INO80D: variants seen among roughly 807,000 people sequenced by gnomAD.
INO80D encodes INO80 complex subunit D.
INO80D carries 21 observed loss-of-function variants against 87.6 expected under a neutral mutation model. The ratio of observed to expected loss-of-function variants is 0.24; its 90% CI spans 0.17 to 0.35. The LOEUF is 0.35. Ranked by LOEUF, INO80D falls within the 10% of genes least tolerant of loss-of-function variation. The pLI, the probability that INO80D is intolerant of heterozygous loss-of-function variation, is 1.00. For synonymous variants in INO80D, 440 were observed against 491.0 expected (o/e 0.90, Z 1.37); for missense variants, 982 against 1,280.7 (o/e 0.77, Z 3.56).
chr2:205,995,427 A>G lies in INO80D; in HGVS notation c.*8941T>C, dbSNP rs1396376868. 1 of 152,230 alleles carries G rather than the reference A, an allele frequency of 6.6e-6. No individual in the cohort carries two copies. The highest frequency in any genetic ancestry group is 1.5e-5 in the Non-Finnish European group (1 of 68,028). 9.4% of individuals were successfully genotyped at this position (152,230 alleles called of 1,614,324 possible). On this transcript the variant is annotated 3_prime_UTR_variant, in exon 11 of 11. Transcript: ENST00000403263. ...AAATAACTTTTGATAATGTATTTTA[A>G]ATCATTACATACAACTGCCACTGCA... is the stretch of plus-strand genomic sequence containing the variant.
chr2:206,071,210 C>A (rs2105901106), intron 1 of INO80D, among the ~76,000 whole-genome samples: 1 of 141,328 alleles, frequency 7.1e-6, no homozygotes, highest in South Asian at 2.4e-4. Context: ...CCGCCTGCCT[C>A]AGCCTCCCAA....
intron 4 of INO80D, among the ~76,000 whole-genome samples, chr2:206,049,692 G>A (rs954585336): frequency 6.6e-6 from 1 of 152,148 alleles, no homozygotes; most frequent in African/African-American, 2.4e-5. Context: ...ATAAGACTGA[G>A]TTTTTATTTA....
Position 206,004,927 on chromosome 2 carries a change from T to C in INO80D, c.2525A>G (p.His842Arg), listed in dbSNP as rs915308769. 2.5e-6 allele frequency: 4 copies of C among 1,613,964 alleles called. No homozygotes were observed. Among genetic ancestry groups the C allele is most frequent in the Admixed American group, 3.3e-5 (2 of 60,024 alleles). Residue 842 changes from histidine to arginine, a missense_variant, in exon 11 of 11, where the codon CAT becomes CGT. Coordinates refer to ENST00000403263, the MANE Select transcript of INO80D (RefSeq NM_017759.5). The surrounding 1 kb of genome is among the most constrained non-coding windows in gnomAD (Gnocchi z 4.9). The stretch of plus-strand genomic sequence containing the variant: ...CGATGTTGTGTGGGGAGAGGTGATA[T>C]GGTCACTGTAGGGAGACGGCACATG... ...SEHVPSPYSD[H>R]ITSPHTTSYS...
At chr2:206,047,289 G>T (rs1689221935) in intron 4 of INO80D, among the ~76,000 whole-genome samples, 1 of 152,170 alleles carries the variant, frequency 6.6e-6, no homozygotes, top group East Asian at 1.9e-4. Flanking sequence ...CATGATCTCG[G>T]CTCACTGCAA....
chr2:206,069,588 T>A (rs1689907427), intron 1 of INO80D, among the ~76,000 whole-genome samples: 1 of 152,148 alleles, frequency 6.6e-6, no homozygotes, highest in Non-Finnish European at 1.5e-5. Flanking sequence ...ATTCTCAACA[T>A]GTGGGGTTGG....
At chr2:206,011,002 C>T (rs543410851) in intron 8 of INO80D, among the ~76,000 whole-genome samples, 107 of 149,402 alleles carry the variant, frequency 7.2e-4, no homozygotes, top group African/African-American at 2.4e-3. Flanking sequence ...TGCTTGAACC[C>T]GGGAGGCAGA....
intron 6 of INO80D, among the ~76,000 whole-genome samples, chr2:206,026,526 A>AC (rs1431402968): frequency 2.0e-5 from 3 of 151,940 alleles, no homozygotes; most frequent in African/African-American, 7.3e-5. Flanking sequence ...AGCCTGGGTG[A>AC]CAGGGCAAGG....
chr2:206,059,040 C>T (rs1449626638), intron 3 of INO80D, among the ~76,000 whole-genome samples: 1 of 135,460 alleles, frequency 7.4e-6, no homozygotes, highest in South Asian at 2.3e-4. Context: ...ACCTGAGCAA[C>T]ATAGCAAGAC....
At position 206,004,406 on chromosome 2, in the gene INO80D, T is replaced by C. The variant is rs758378697; in HGVS notation, c.3046A>G (p.Thr1016Ala). ...GGAAAGGGAGAAGATGCATTATTGG[T>C]ACTTGTAGCTGTGGCACCTGTTACT... ...FTVTGATATS[T>A]NNASSPFPSP... Residue 1016 changes from threonine to alanine, a missense_variant, in exon 11 of 11, where the codon ACC (threonine) becomes GCC (alanine). Thr to Ala is a moderately conservative substitution (Grantham distance 58, BLOSUM62 0). Coordinates refer to ENST00000403263, the MANE Select transcript of INO80D (RefSeq NM_017759.5). The surrounding 1 kb of genome is among the most constrained non-coding windows in gnomAD (Gnocchi z 4.9). The C allele has an allele frequency of 6.2e-7, 1 of 1,602,068 alleles. No homozygotes were observed. Among genetic ancestry groups the C allele is most frequent in the Non-Finnish European group, 8.5e-7 (1 of 1,174,416 alleles).
chr2:206,004,108 C>T lies in INO80D; in HGVS notation c.*260G>A. 1 of 528,068 alleles carries T rather than the reference C, an allele frequency of 1.9e-6. No individual in the cohort carries two copies. Among genetic ancestry groups the T allele is most frequent in the South Asian group, 2.4e-5 (1 of 41,008 alleles). 32.7% of individuals were successfully genotyped at this position (528,068 alleles called of 1,614,324 possible). A position where few individuals can be genotyped will look rare whatever the true frequency, so the allele number is the denominator to read the frequency against. On this transcript the variant is annotated 3_prime_UTR_variant, in exon 11 of 11. Transcript: ENST00000403263. This position sits in a 1 kb window ranked among gnomAD's most constrained non-coding sequence, Gnocchi z 4.9. ...ACTTGCTGCTAAAAATCAATCCTAT[C>T]CAGTCACTGTGCTGAACCACTAAGG...
intron 6 of INO80D, among the ~76,000 whole-genome samples, chr2:206,020,300 C>T (rs1688425634): frequency 6.6e-6 from 1 of 152,116 alleles, no homozygotes. Flanking sequence ...GTACCTTGAG[C>T]TGGCAGGGTT....
rs181129725 is a variant in INO80D, at chr2:206,014,541, C to T, written c.1542+3139G>A. On this transcript the variant is annotated intron_variant, in intron 8 of 10. Coordinates refer to ENST00000403263, the MANE Select transcript of INO80D (RefSeq NM_017759.5). ...CTGCACGAGCTCTTTTTGCCTGCCA[C>T]CATCCATGTGAGATGTGACTTGTCC... is the stretch of plus-strand genomic sequence containing the variant. 3.8e-3 allele frequency among the ~76,000 whole-genome samples: 577 copies of T among 152,246 alleles called. 1 individual carries two copies. Among genetic ancestry groups the T allele is most frequent in the Middle Eastern group, 0.024 (7 of 294 alleles).
At chr2:206,027,156 GCACACA>G (rs34673264) in intron 6 of INO80D, among the ~76,000 whole-genome samples, 31 of 151,302 alleles carry the variant, frequency 2.0e-4, no homozygotes, top group Admixed American at 3.9e-4. Flanking sequence ...GCGCGCACGC[GCACACA>G]CACACACACA....
At chr2:206,039,560 G>A (rs574096218) in intron 5 of INO80D, among the ~76,000 whole-genome samples, 2 of 151,612 alleles carry the variant, frequency 1.3e-5, no homozygotes, top group East Asian at 3.9e-4. Flanking sequence ...GCCTATAATC[G>A]CAGCACTTTG....
intron 4 of INO80D, among the ~76,000 whole-genome samples, chr2:206,047,034 C>T (rs1689214475): frequency 6.6e-6 from 1 of 152,214 alleles, no homozygotes; most frequent in African/African-American, 2.4e-5. Context: ...CCACCTCGGC[C>T]TCCCAAAGTG....
intron 5 of INO80D, among the ~76,000 whole-genome samples, chr2:206,032,195 TGG>T (rs939487562): frequency 5.3e-5 from 8 of 152,070 alleles, no homozygotes; most frequent in African/African-American, 1.7e-4. Flanking sequence ...GGCCAGAATG[TGG>T]GGAAGGCCAC....
intron 1 of INO80D, among the ~76,000 whole-genome samples, chr2:206,081,687 G>T (rs1380908312): frequency 1.3e-5 from 2 of 151,082 alleles, no homozygotes; most frequent in Admixed American, 1.3e-4. Context: ...AGCCCAGGAG[G>T]TTGAGGCTGC....
intron 1 of INO80D, among the ~76,000 whole-genome samples, chr2:206,074,793 G>T (rs1207957803): frequency 6.6e-6 from 1 of 151,900 alleles, no homozygotes; most frequent in African/African-American, 2.4e-5. Flanking sequence ...TACAAAATTA[G>T]CCAGGTGTGG....
At position 206,005,403 on chromosome 2, in the gene INO80D, C is replaced by G; in HGVS notation, c.2049G>C (p.Gln683His). 6.2e-7 allele frequency: 1 copy of G among 1,614,000 alleles called. No individual in the cohort carries two copies. ...CCCCTATTCCTCTATCTGACAACTC[C>G]TGGACTGGCACACCATCTGACTGGG... ...VLAQSDGVPV[Q>H]ELSDRGIGVF... Residue 683 changes from glutamine to histidine, a missense_variant, in exon 11 of 11, where the codon CAG (glutamine) becomes CAC (histidine). Transcript: ENST00000403263.
Sources: allele counts gnomAD v4.1 joint callset (sites outside exome capture counted in the v4.1 genomes callset), GRCh38; gene constraint gnomAD v4.1.1; non-coding constraint Gnocchi (gnomAD v3.1); transcripts MANE v1.5; gene names NCBI Gene and HGNC (gene_info 2026-07-23, HGNC 2026-07-21).